The following RCOR3 variants were observed in gnomAD, a reference collection of about 807,000 sequenced individuals.
The protein encoded by RCOR3 is REST corepressor 3.
In RCOR3, 13 loss-of-function variants were observed where a neutral mutation model predicts 64.1. The observed-to-expected ratio is 0.20, with a 90% CI of 0.13 to 0.32. The LOEUF (loss-of-function observed/expected upper bound fraction) is 0.32, where lower values mean the gene tolerates loss of function less well. RCOR3 is among the 10% of genes least tolerant of loss of function. The pLI is 1.00. For synonymous variants in RCOR3, 215 were observed against 239.0 expected (o/e 0.90, Z 0.93); for missense variants, 489 against 701.2 (o/e 0.70, Z 3.42).
intron 2 of RCOR3, among the ~76,000 whole-genome samples, chr1:211,268,369 C>CTTTTTTT (rs756643084): frequency 4.2e-4 from 33 of 79,356 alleles, no homozygotes; most frequent in African/African-American, 4.4e-4. Flanking sequence ...TCTTTTCTTT[C>CTTTTTTT]TTTTTTTTTT....
At chr1:211,270,604 T>C (rs1428638078) in intron 2 of RCOR3, among the ~76,000 whole-genome samples, 1 of 151,940 alleles carries the variant, frequency 6.6e-6, no homozygotes, top group East Asian at 1.9e-4. Context: ...GAATTTTTAA[T>C]GATGATCTCT....
chr1:211,286,314 T>C (rs2102553171), intron 7 of RCOR3, among the ~76,000 whole-genome samples: 1 of 928 alleles, frequency 1.1e-3, no homozygotes, highest in South Asian at 0.12. Flanking sequence ...TTTCTTTTCT[T>C]TTTTTTTTTT....
rs1482945842 is a variant in RCOR3, at chr1:211,282,564, C to T, written c.720+3248C>T. On this transcript the variant is annotated intron_variant, in intron 7 of 11. Transcript: ENST00000419091. The stretch of plus-strand genomic sequence containing the variant: ...TCGCCCAGGCTGGAGTGCAGTGGCA[C>T]GATCTCGGCTCACTGCAACCTCCAC... 6.6e-5 allele frequency among the ~76,000 whole-genome samples: 10 copies of T among 151,198 alleles called. No homozygotes were observed. The South Asian group carries it at 1.3e-3, about 19-fold the overall frequency.
intron 2 of RCOR3, 66 bp downstream of exon 2, chr1:211,260,230 C>A: frequency 1.4e-6 from 2 of 1,461,172 alleles, no homozygotes; most frequent in Non-Finnish European, 1.9e-6. Context: ...GGTGGACGGG[C>A]TAGGAGTCCG....
At position 211,312,521 on chromosome 1, in the gene RCOR3, G is replaced by A; in HGVS notation, c.1076-199G>A. On this transcript the variant is annotated intron_variant, in intron 10 of 11. Transcript: ENST00000419091. This position sits in a 1 kb window ranked among gnomAD's most constrained non-coding sequence, Gnocchi z 5.0. ...CTGATTGTTCAGTTGAAGGCAAGTG[G>A]CTGGCTCGATGAAATGACATAACTG... 1 of 642,326 alleles carries A rather than the reference G, an allele frequency of 1.6e-6. No individual in the cohort carries two copies. The allele number at this position is 642,326 out of a possible 1,614,324, so 39.8% of individuals were successfully genotyped here.
chr1:211,269,340 G>A (rs1695768157), intron 2 of RCOR3, among the ~76,000 whole-genome samples: 1 of 152,108 alleles, frequency 6.6e-6, no homozygotes, highest in African/African-American at 2.4e-5. Flanking sequence ...GCGTGTTCCT[G>A]TAATCCCAGC....
Position 211,315,930 on chromosome 1 carries a change from CATT to C in RCOR3, c.*2166_*2168del, listed in dbSNP as rs1217046433. On this transcript the variant is annotated 3_prime_UTR_variant, in exon 12 of 12. Transcript: ENST00000419091. ...CATATTTTGTAAATATTTTGCACGTCATTATTTTTCTTTTTTGTTTAAGCAGTG... is the reference window on the plus strand; with the variant it reads ...CATATTTTGTAAATATTTTGCACGTCATTTTTCTTTTTTGTTTAAGCAGTG... 2.0e-5 allele frequency: 3 copies of C among 152,240 alleles called. No individual in the cohort carries two copies. Among genetic ancestry groups the C allele is most frequent in the East Asian group, 1.9e-4 (1 of 5,180 alleles). 9.4% of individuals were successfully genotyped at this position (152,240 alleles called of 1,614,324 possible).
At chr1:211,300,352 G>A (rs1700254004) in intron 9 of RCOR3, among the ~76,000 whole-genome samples, 1 of 152,108 alleles carries the variant, frequency 6.6e-6, no homozygotes, top group African/African-American at 2.4e-5. Flanking sequence ...TTACAGGTGT[G>A]AGCCACCACG....
Position 211,314,652 on chromosome 1 carries a change from T to C in RCOR3, c.*884T>C, listed in dbSNP as rs1045345926. On this transcript the variant is annotated 3_prime_UTR_variant, in exon 12 of 12. Coordinates refer to ENST00000419091, the MANE Select transcript of RCOR3 (RefSeq NM_001136223.3). ...CTTTTAACTAGTAGTTGCCTACATC[T>C]GGGGACTTCAGAGAAGAATTATATT... is the stretch of plus-strand genomic sequence containing the variant. The C allele has an allele frequency of 6.6e-6, 1 of 152,198 alleles. No homozygotes were observed. Among genetic ancestry groups the C allele is most frequent in the Non-Finnish European group, 1.5e-5 (1 of 68,010 alleles). 9.4% of individuals were successfully genotyped at this position (152,198 alleles called of 1,614,324 possible). A position where few individuals can be genotyped will look rare whatever the true frequency, so the allele number is the denominator to read the frequency against.
intron 7 of RCOR3, 43 bp downstream of exon 7, chr1:211,279,359 C>A: frequency 7.0e-7 from 1 of 1,423,406 alleles, no homozygotes; most frequent in Non-Finnish European, 9.9e-7. Context: ...TTCTACAAAT[C>A]TGCTGAAAAA....
chr1:211,273,024 A>T (rs1283054857), intron 3 of RCOR3, among the ~76,000 whole-genome samples: 1 of 152,218 alleles, frequency 6.6e-6, no homozygotes, highest in Non-Finnish European at 1.5e-5. Flanking sequence ...TAGACCTGTC[A>T]TGTATTTAAG....
intron 3 of RCOR3, among the ~76,000 whole-genome samples, chr1:211,272,525 G>T (rs916044485): frequency 1.3e-5 from 2 of 149,794 alleles, no homozygotes; most frequent in African/African-American, 4.9e-5. Flanking sequence ...AATCACTTGG[G>T]GAATTTTTTT....
chr1:211,292,864 T>TCG (rs1487709682), intron 8 of RCOR3, among the ~76,000 whole-genome samples: 14 of 151,972 alleles, frequency 9.2e-5, no homozygotes, highest in African/African-American at 3.4e-4. Flanking sequence ...GGCAGGTGAA[T>TCG]CGCGAGGTTA....
rs548233928 is a variant in RCOR3 at position 211,260,282 on chromosome 1, C to T, written c.223+118C>T. ...GGGATGCGGGGTTGGGCTGGGCAGG[C>T]ATCCGTGGCGGGGAGGCTGTCAGGC... On this transcript the variant is annotated intron_variant, in intron 2 of 11. Transcript: ENST00000419091. 8.1e-6 allele frequency: 7 copies of T among 865,258 alleles called. No individual in the cohort carries two copies. In the African/African-American group the frequency reaches 1.2e-4, roughly 14 times the overall value. 53.6% of individuals were successfully genotyped at this position (865,258 alleles called of 1,614,324 possible).
At chr1:211,289,152 CTGTTA>C in intron 7 of RCOR3, 21 bp from the exon 8 acceptor site, 3 of 1,558,732 alleles carry the variant, frequency 1.9e-6, no homozygotes, top group Non-Finnish European at 2.7e-6. Context: ...ACCAAGTGAC[CTGTTA>C]TTCTGCTTTT....
At chr1:211,297,327 C>G (rs1236425920) in intron 9 of RCOR3, among the ~76,000 whole-genome samples, 1 of 152,006 alleles carries the variant, frequency 6.6e-6, no homozygotes, top group Non-Finnish European at 1.5e-5. Flanking sequence ...GATAGGTGAA[C>G]CAGATACTAT....
At chr1:211,300,089 T>TG (rs1700225602) in intron 9 of RCOR3, among the ~76,000 whole-genome samples, 1 of 148,930 alleles carries the variant, frequency 6.7e-6, no homozygotes, top group Non-Finnish European at 1.5e-5. Flanking sequence ...TTTTTTTTTT[T>TG]GAGACACTCT....
At chr1:211,291,586 T>A (rs756180705) in intron 8 of RCOR3, 3 of 456,060 alleles carry the variant, frequency 6.6e-6, no homozygotes, top group African/African-American at 2.0e-5. Flanking sequence ...ACTACTATAT[T>A]CTGCTTACAA....
rs909680597 is a variant in RCOR3 at position 211,312,513 on chromosome 1, G to A, written c.1076-207G>A. The A allele has an allele frequency of 9.3e-6, 6 of 646,826 alleles. No individual in the cohort carries two copies. In the Admixed American group the frequency reaches 1.3e-4, roughly 14 times the overall value. The allele number at this position is 646,826 out of a possible 1,614,324, so 40.1% of individuals were successfully genotyped here. Reference sequence around the variant, plus strand: ...GTAAGTTTCTGATTGTTCAGTTGAAGGCAAGTGGCTGGCTCGATGAAATGA... The same window carrying A: ...GTAAGTTTCTGATTGTTCAGTTGAAAGCAAGTGGCTGGCTCGATGAAATGA... On this transcript the variant is annotated intron_variant, in intron 10 of 11. Coordinates refer to ENST00000419091, the MANE Select transcript of RCOR3 (RefSeq NM_001136223.3). This position sits in a 1 kb window ranked among gnomAD's most constrained non-coding sequence, Gnocchi z 5.0.
Sources: allele counts gnomAD v4.1 joint callset (sites outside exome capture counted in the v4.1 genomes callset), GRCh38; gene constraint gnomAD v4.1.1; non-coding constraint Gnocchi (gnomAD v3.1); transcripts MANE v1.5; gene names NCBI Gene and HGNC (gene_info 2026-07-23, HGNC 2026-07-21).